Variants in CEP97 observed in about 807,000 individuals in gnomAD.
The protein encoded by CEP97 is centrosomal protein of 97 kDa.
CEP97 carries 43 observed loss-of-function variants against 73.1 expected under a neutral mutation model. The observed-to-expected ratio is 0.59, with a 90% CI of 0.46 to 0.76. CEP97 has a LOEUF of 0.76. Ranked by LOEUF, CEP97 falls within the 30% of genes least tolerant of loss-of-function variation. The probability of loss-of-function intolerance (pLI) is 0.00; values close to 1 mark genes in which losing one functional copy is unlikely to be tolerated. For synonymous variants in CEP97, 337 were observed against 370.0 expected (o/e 0.91, Z 1.02); for missense variants, 939 against 1,014.0 (o/e 0.93, Z 1.00).
chr3:101,729,405 A>G (rs189621110), intron 4 of CEP97, among the ~76,000 whole-genome samples: 19 of 152,222 alleles, frequency 1.2e-4, no homozygotes, highest in South Asian at 8.3e-4. Context: ...TGTTAGTTAT[A>G]TAACTCATTT....
In CEP97 at chr3:101,765,615, T is replaced by G. The variant is rs1192460347; in HGVS notation, c.*64T>G. 2 of 1,348,786 alleles carry G rather than the reference T, an allele frequency of 1.5e-6. No homozygotes were observed. The highest frequency in any genetic ancestry group is 4.7e-5 in the East Asian group (2 of 42,760). The allele number at this position is 1,348,786 out of a possible 1,614,324, so 83.6% of individuals were successfully genotyped here. A position where few individuals can be genotyped will look rare whatever the true frequency, so the allele number is the denominator to read the frequency against. ...TAAAAATACTTTCAGTTGCCTTTGCTTTTTTTTGGAGGGAAATACTCCCTA... is the reference window on the plus strand; with the variant it reads ...TAAAAATACTTTCAGTTGCCTTTGCGTTTTTTTGGAGGGAAATACTCCCTA... On this transcript the variant is annotated 3_prime_UTR_variant, in exon 11 of 11. Coordinates refer to ENST00000341893, the MANE Select transcript of CEP97 (RefSeq NM_024548.4).
intron 7 of CEP97, 124 bp from the exon 8 acceptor site, chr3:101,756,934 GGCATT>G (rs1560019320): frequency 2.7e-6 from 2 of 752,996 alleles, no homozygotes; most frequent in Admixed American, 6.3e-5. Flanking sequence ...TTTATAATTT[GGCATT>G]AATTAAAAGT....
chr3:101,728,637 A>G (rs1576675127), intron 3 of CEP97, among the ~76,000 whole-genome samples, 199 bp from the exon 4 acceptor site: 1 of 151,928 alleles, frequency 6.6e-6, no homozygotes, highest in Non-Finnish European at 1.5e-5. Flanking sequence ...ACTCATAGAG[A>G]GATAATGAAA....
chr3:101,754,642 A>T (rs974700454), intron 6 of CEP97, among the ~76,000 whole-genome samples: 19 of 152,170 alleles, frequency 1.2e-4, no homozygotes, highest in African/African-American at 4.3e-4. Flanking sequence ...ACTTGGCTAG[A>T]TGTCCAAGAT....
chr3:101,742,041 CAAAA>C (rs1387449559), intron 6 of CEP97, among the ~76,000 whole-genome samples: 1 of 82,080 alleles, frequency 1.2e-5, no homozygotes, highest in East Asian at 3.1e-4. Flanking sequence ...GACTCCGTCT[CAAAA>C]AAAAAAAAAC....
At position 101,763,400 on chromosome 3, in the gene CEP97, T is replaced by TAA. The variant is rs372373841; in HGVS notation, c.1893+851_1893+852dup. Among the ~76,000 whole-genome samples the TAA allele has an allele frequency of 2.8e-5, 4 of 143,852 alleles. 1 individual carries two copies. The highest frequency in any genetic ancestry group is 1.0e-4 in the African/African-American group (4 of 39,334). 94.4% of individuals were successfully genotyped at this position (143,852 alleles called of 152,430 possible). ...AGATCTCCAAAATAATACTGTTTAG[T>TAA]AAAAAAAAAAAACAGCACTAGCGCA... On this transcript the variant is annotated intron_variant, in intron 10 of 10. Transcript: ENST00000341893.
intron 4 of CEP97, among the ~76,000 whole-genome samples, chr3:101,729,796 A>G (rs1261521045): frequency 6.7e-6 from 1 of 150,368 alleles, no homozygotes; most frequent in East Asian, 2.0e-4. Context: ...TTTTAGATAG[A>G]GTTCTGCTCT....
intron 6 of CEP97, among the ~76,000 whole-genome samples, chr3:101,733,341 G>A (rs1459144346): frequency 5.3e-5 from 8 of 152,074 alleles, no homozygotes; most frequent in East Asian, 1.9e-4. Context: ...TATAAGGGCC[G>A]TATTTTTTAT....
chr3:101,741,690 C>T (rs544050132), intron 6 of CEP97, among the ~76,000 whole-genome samples: 3 of 152,186 alleles, frequency 2.0e-5, no homozygotes, highest in South Asian at 2.1e-4. Context: ...TAGAGAAATG[C>T]AAATCAAAAC....
chr3:101,762,363 A>C, intron 9 of CEP97, 122 bp from the exon 10 acceptor site: 1 of 484,298 alleles, frequency 2.1e-6, no homozygotes, highest in South Asian at 4.1e-5. Flanking sequence ...ATATTCTAAA[A>C]GTGGGAAAGA....
intron 7 of CEP97, among the ~76,000 whole-genome samples, chr3:101,756,358 A>G (rs1576696968): frequency 7.3e-6 from 1 of 136,926 alleles, no homozygotes; most frequent in Non-Finnish European, 1.6e-5. Flanking sequence ...TGCGTCTGCC[A>G]CCCCTCCCCC....
intron 9 of CEP97, among the ~76,000 whole-genome samples, chr3:101,761,515 A>G (rs1939177483): frequency 6.6e-6 from 1 of 152,174 alleles, no homozygotes; most frequent in African/African-American, 2.4e-5. Context: ...GTACTTGACA[A>G]CGAATTTTGG....
At chr3:101,738,193 A>G (rs1438457787) in intron 6 of CEP97, among the ~76,000 whole-genome samples, 2 of 152,194 alleles carry the variant, frequency 1.3e-5, no homozygotes, top group Non-Finnish European at 2.9e-5. Flanking sequence ...ACCCAGATTC[A>G]TAAAGCAAGT....
At chr3:101,761,714 G>C (rs538432492) in intron 9 of CEP97, among the ~76,000 whole-genome samples, 6 of 152,226 alleles carry the variant, frequency 3.9e-5, no homozygotes, top group Non-Finnish European at 7.4e-5. Flanking sequence ...GAGTATATAA[G>C]GGAGTTTGCT....
chr3:101,757,823 T>A lies in CEP97; in HGVS notation c.1217T>A (p.Met406Lys), dbSNP rs1444371449. The A allele has an allele frequency of 6.2e-7, 1 of 1,614,154 alleles. No homozygotes were observed. Among genetic ancestry groups the A allele is most frequent in the Non-Finnish European group, 8.5e-7 (1 of 1,180,060 alleles). The change falls in exon 9 of 11, where the codon ATG (methionine) becomes AAG (lysine). Residue 406 changes from methionine (M) to lysine (K), a missense_variant. Transcript: ENST00000341893. ...CSLLSSESTFMPVASGLSPLS... is the reference protein window; with the variant it reads ...CSLLSSESTFKPVASGLSPLS... ...CTTCTCTCTTCAGAGTCTACTTTTA[T>A]GCCAGTTGCATCAGGACTGTCTCCA...
chr3:101,732,047 A>G (rs1560009101), intron 5 of CEP97, 94 bp downstream of exon 5: 5 of 735,020 alleles, frequency 6.8e-6, no homozygotes, highest in Non-Finnish European at 1.2e-5. Flanking sequence ...GACTGTGAGC[A>G]TCTTGGAAGA....
chr3:101,730,981 A>G (rs74425261), intron 4 of CEP97, among the ~76,000 whole-genome samples: 9,151 of 149,954 alleles, frequency 0.061, 409 homozygotes, highest in Non-Finnish European at 0.095. Context: ...TTGCTGGAAT[A>G]GAAGCCTATT....
chr3:101,752,755 A>T (rs1036322604), intron 6 of CEP97, among the ~76,000 whole-genome samples: 1 of 152,062 alleles, frequency 6.6e-6, no homozygotes, highest in African/African-American at 2.4e-5. Flanking sequence ...CAGCTCCTTT[A>T]AGCACTTCTC....
At chr3:101,749,903 T>C (rs1296282330) in intron 6 of CEP97, among the ~76,000 whole-genome samples, 2 of 148,830 alleles carry the variant, frequency 1.3e-5, no homozygotes, top group African/African-American at 4.9e-5. Context: ...TAGCCCTTTG[T>C]CAGATGAGTA....
Sources: allele counts gnomAD v4.1 joint callset (sites outside exome capture counted in the v4.1 genomes callset), GRCh38; gene constraint gnomAD v4.1.1; transcripts MANE v1.5; gene names NCBI Gene and HGNC (gene_info 2026-07-23, HGNC 2026-07-21).